DNAJC13: variants seen among roughly 807,000 people sequenced by gnomAD.
DNAJC13 encodes the protein dnaJ homolog subfamily C member 13.
DNAJC13 carries 75 observed loss-of-function variants against 290.5 expected under a neutral mutation model. That is an observed-to-expected ratio of 0.26 (90% CI 0.21 to 0.31). The LOEUF (loss-of-function observed/expected upper bound fraction) is 0.31. Ranked by LOEUF, DNAJC13 falls within the 10% of genes least tolerant of loss-of-function variation. DNAJC13 has a pLI of 1.00. For synonymous variants in DNAJC13, 862 were observed against 892.0 expected, an observed-to-expected ratio of 0.97 and a Z score of 0.60; for missense variants, 2,260 against 2,674.5, an observed-to-expected ratio of 0.85 and a Z score of 3.42.
chr3:132,483,147 A>G (rs977448209), intron 27 of DNAJC13, among the ~76,000 whole-genome samples: 1 of 151,924 alleles, frequency 6.6e-6, no homozygotes, highest in Non-Finnish European at 1.5e-5. Context: ...TACTCTTTCC[A>G]GTATTCTTTA....
At chr3:132,429,013 G>A (rs1357066383) in intron 1 of DNAJC13, among the ~76,000 whole-genome samples, 9 of 152,188 alleles carry the variant, frequency 5.9e-5, no homozygotes, top group African/African-American at 1.4e-4. Context: ...GATTACAGGC[G>A]TGAGCTACGG....
Position 132,501,049 on chromosome 3 carries a change from T to C in DNAJC13, c.4536+136T>C, listed in dbSNP as rs796501156. 94 of 1,163,114 alleles carry C rather than the reference T, an allele frequency of 8.1e-5. No individual in the cohort carries two copies. The African/African-American group carries it at 1.3e-3, about 17-fold the overall frequency. The allele number at this position is 1,163,114 out of a possible 1,614,324, so 72.0% of individuals were successfully genotyped here. Reference sequence around the variant, plus strand: ...AAATTATTTGGATTTCTAAAAGCATTTTTCACAGAAGCCTTGCTGTAAATG... The same window carrying C: ...AAATTATTTGGATTTCTAAAAGCATCTTTCACAGAAGCCTTGCTGTAAATG... On this transcript the variant is annotated intron_variant, in intron 39 of 55. Transcript: ENST00000260818.
rs142010587 is a variant in DNAJC13, at chr3:132,440,848, T to C, written c.69-5627T>C. ...CGAGGAAACCAAAGCTTAGAGAAGTTAAGGAAGTTATCAGAGAAAACACAG... is the reference window on the plus strand; with the variant it reads ...CGAGGAAACCAAAGCTTAGAGAAGTCAAGGAAGTTATCAGAGAAAACACAG... On this transcript the variant is annotated intron_variant, in intron 2 of 55. Coordinates refer to ENST00000260818, the MANE Select transcript of DNAJC13 (RefSeq NM_015268.4). Among the ~76,000 whole-genome samples, 39 of 152,284 alleles carry C rather than the reference T, an allele frequency of 2.6e-4. No homozygotes were observed. In the East Asian group the frequency reaches 6.9e-3, roughly 27 times the overall value.
rs772680510 is a variant in DNAJC13 at position 132,434,554 on chromosome 3, A to T, written c.4A>T (p.Asn2Tyr). The T allele has an allele frequency of 6.8e-6, 11 of 1,611,764 alleles. No homozygotes were observed. Among genetic ancestry groups the T allele is most frequent in the Non-Finnish European group, 9.3e-6 (11 of 1,178,878 alleles). ...ATCTTCCAGGTTTGAGCACAAAATG[A>T]ACATAATTAGGGAAAATAAGGATCT... MNIIRENKDLAC... is the reference protein window; with the variant it reads MYIIRENKDLAC... Residue 2 changes from asparagine to tyrosine, a missense_variant, in exon 2 of 56, where the codon AAC becomes TAC. Coordinates refer to ENST00000260818, the MANE Select transcript of DNAJC13 (RefSeq NM_015268.4).
chr3:132,456,118 G>C, intron 9 of DNAJC13, 117 bp from the exon 10 acceptor site: 1 of 847,148 alleles, frequency 1.2e-6, no homozygotes, highest in Non-Finnish European at 1.8e-6. Context: ...GTTTCCCATT[G>C]TAACTGTAGT....
chr3:132,437,297 A>AT (rs1007114383), intron 2 of DNAJC13, among the ~76,000 whole-genome samples: 13 of 152,184 alleles, frequency 8.5e-5, no homozygotes, highest in Non-Finnish European at 1.3e-4. Context: ...AATTCTTCAG[A>AT]TTTTTTTACT....
intron 54 of DNAJC13, among the ~76,000 whole-genome samples, chr3:132,529,567 CACG>C (rs2107752440): frequency 6.6e-6 from 1 of 152,256 alleles, no homozygotes; most frequent in East Asian, 1.9e-4. Context: ...GCGGGTGGAT[CACG>C]AGGTCAGGAG....
At chr3:132,475,184 TC>T in intron 22 of DNAJC13, 99 bp downstream of exon 22, 1 of 796,390 alleles carries the variant, frequency 1.3e-6, no homozygotes, top group Non-Finnish European at 1.8e-6. Context: ...ACATATCTGG[TC>T]TTTACCTTTC....
At chr3:132,483,268 T>TA in intron 27 of DNAJC13, 107 bp from the exon 28 acceptor site, 4 of 1,041,722 alleles carry the variant, frequency 3.8e-6, no homozygotes, top group Middle Eastern at 2.3e-4. Flanking sequence ...ATAGTGTACT[T>TA]ACATGTTTGT....
chr3:132,487,915 C>T (rs1004046065), intron 29 of DNAJC13, among the ~76,000 whole-genome samples: 15 of 152,250 alleles, frequency 9.9e-5, no homozygotes, highest in African/African-American at 3.6e-4. Flanking sequence ...ATTTTCTGCT[C>T]TGCTCCTTGA....
chr3:132,419,409 A>G (rs78697146), intron 1 of DNAJC13, among the ~76,000 whole-genome samples: 3 of 132,770 alleles, frequency 2.3e-5, no homozygotes, highest in Non-Finnish European at 4.8e-5. Flanking sequence ...TAAAATATTA[A>G]TAAGTGAATG....
intron 15 of DNAJC13, among the ~76,000 whole-genome samples, chr3:132,462,182 A>G (rs1486496000): frequency 6.6e-6 from 1 of 152,150 alleles, no homozygotes; most frequent in Non-Finnish European, 1.5e-5. Context: ...TATTTTTATT[A>G]TTTTAGTATC....
chr3:132,453,667 TA>T lies in DNAJC13; in HGVS notation c.814del (p.Ile272LeufsTer4), dbSNP rs1933493480. 1.9e-6 allele frequency: 3 copies of T among 1,613,298 alleles called. No individual in the cohort carries two copies. The highest frequency in any genetic ancestry group is 2.5e-6 in the Non-Finnish European group (3 of 1,179,772). ...LVERDPATYN[I>X]ATLKPLGEVF... ...TAGAACGTGATCCGGCAACCTATAATATTGCAACATTGAAGCCTTTAGGAGA... is the reference window on the plus strand; with the variant it reads ...TAGAACGTGATCCGGCAACCTATAATTTGCAACATTGAAGCCTTTAGGAGA... On this transcript the variant is annotated frameshift_variant, in exon 8 of 56. Coordinates refer to ENST00000260818, the MANE Select transcript of DNAJC13 (RefSeq NM_015268.4). LOFTEE classifies it high-confidence loss of function.
At chr3:132,444,550 T>C (rs1355508245) in intron 2 of DNAJC13, among the ~76,000 whole-genome samples, 1 of 152,240 alleles carries the variant, frequency 6.6e-6, no homozygotes, top group Non-Finnish European at 1.5e-5. Context: ...AGGCATTCTT[T>C]CACTTTTTGC....
rs201287650 is a variant in DNAJC13 at position 132,499,276 on chromosome 3, A to G, written c.4307A>G (p.Asn1436Ser). Reference protein sequence around the residue: ...AFHTVNCSALNAEELRRENGL... With the variant: ...AFHTVNCSALSAEELRRENGL... ...CATACTGTCAACTGTTCAGCCCTCA[A>G]TGCTGAAGAGCTCAGAAGAGAGAAT... The change falls in exon 37 of 56, where the codon AAT becomes AGT. Residue 1436 changes from asparagine (N) to serine (S), a missense_variant. Physicochemically the swap from Asn to Ser is conservative, Grantham distance 46. Coordinates refer to ENST00000260818, the MANE Select transcript of DNAJC13 (RefSeq NM_015268.4). 70 of 1,612,118 alleles carry G rather than the reference A, an allele frequency of 4.3e-5. No homozygotes were observed. Among genetic ancestry groups the G allele is most frequent in the Non-Finnish European group, 5.3e-5 (62 of 1,178,972 alleles).
chr3:132,516,919 G>A (rs1327282218), intron 48 of DNAJC13, 103 bp downstream of exon 48: 1 of 978,098 alleles, frequency 1.0e-6, no homozygotes, highest in Non-Finnish European at 1.5e-6. Flanking sequence ...GTGAGGATAA[G>A]GAAATGAGGT....
intron 20 of DNAJC13, among the ~76,000 whole-genome samples, chr3:132,470,896 C>T (rs1251289288): frequency 7.6e-5 from 10 of 132,192 alleles, no homozygotes; most frequent in Non-Finnish European, 1.5e-4. Context: ...GGGGGCTGAC[C>T]CCCCCACCTC....
chr3:132,502,361 C>T lies in DNAJC13; in HGVS notation c.4609C>T (p.His1537Tyr), dbSNP rs1182018087. 6.2e-7 allele frequency: 1 copy of T among 1,613,748 alleles called. No homozygotes were observed. Among genetic ancestry groups the T allele is most frequent in the South Asian group, 1.1e-5 (1 of 91,072 alleles). The change falls in exon 40 of 56, where the codon CAC (histidine) becomes TAC (tyrosine). Residue 1537 changes from histidine to tyrosine, a missense_variant. By Grantham distance (83) the His-to-Tyr change is moderately conservative. Around this residue, in one of 3 missense-constraint regions of DNAJC13, gnomAD observed 1,494 missense variants for 1,693.7 expected, o/e 0.88. Transcript: ENST00000260818. ...SFAVDFWLQTHLFQAGILWYL... is the reference protein window; with the variant it reads ...SFAVDFWLQTYLFQAGILWYL... The stretch of plus-strand genomic sequence containing the variant: ...TGCTGTGGATTTCTGGCTACAGACA[C>T]ACCTATTTCAGGCTGGAATTTTGTG...
chr3:132,512,766 G>A (rs1935815967), intron 44 of DNAJC13, among the ~76,000 whole-genome samples: 2 of 152,140 alleles, frequency 1.3e-5, no homozygotes, highest in South Asian at 4.1e-4. Flanking sequence ...GTCTTAGCCT[G>A]AGGGTTAGGG....
Sources: allele counts gnomAD v4.1 joint callset (sites outside exome capture counted in the v4.1 genomes callset), GRCh38; gene constraint gnomAD v4.1.1; regional missense constraint gnomAD v4.1.1; transcripts MANE v1.5; gene names NCBI Gene and HGNC (gene_info 2026-07-23, HGNC 2026-07-21).